Variants in MGST1 observed in about 807,000 individuals in gnomAD.
MGST1 encodes microsomal glutathione S-transferase 1, also known as glutathione S-transferase 12.
In MGST1, 5 loss-of-function variants were observed where a neutral mutation model predicts 8.9. The observed-to-expected ratio is 0.56, with a 90% confidence interval of 0.29 to 1.19. The LOEUF (loss-of-function observed/expected upper bound fraction) is 1.19, where lower values mean the gene tolerates loss of function less well. MGST1 is among the 50% of genes most tolerant of loss of function. MGST1 has a pLI of 0.08. For missense variants in MGST1, 182 were observed against 187.4 expected, an observed-to-expected ratio of 0.97 and a Z score of 0.17; for synonymous variants, 54 against 67.8, an observed-to-expected ratio of 0.80 and a Z score of 1.00.
At chr12:16,484,715 G>GA (rs1466802288) in intron 4 of MGST1, among the ~76,000 whole-genome samples, 2 of 152,146 alleles carry the variant, frequency 1.3e-5, no homozygotes, top group East Asian at 3.9e-4. Flanking sequence ...GAAGTGTCAT[G>GA]AGAACAGCAA....
At chr12:16,530,697 AC>A (rs2137199892) in intron 4 of MGST1, among the ~76,000 whole-genome samples, 1 of 152,240 alleles carries the variant, frequency 6.6e-6, no homozygotes, top group South Asian at 2.1e-4. Flanking sequence ...GCTCATTTCT[AC>A]CATGAAGTAA....
intron 4 of MGST1, among the ~76,000 whole-genome samples, chr12:16,545,409 C>T: frequency 6.6e-6 from 1 of 151,932 alleles, no homozygotes; most frequent in Middle Eastern, 3.2e-3. Context: ...GGGTGGGTGC[C>T]CACAGTTCTG....
chr12:16,387,415 G>A (rs190795604), intron 1 of MGST1, among the ~76,000 whole-genome samples: 25 of 152,156 alleles, frequency 1.6e-4, no homozygotes, highest in Middle Eastern at 6.8e-3. Context: ...ATAGAAAAGC[G>A]AACAAGTAAT....
At chr12:16,423,091 T>A (rs1011879816) in intron 1 of MGST1, among the ~76,000 whole-genome samples, 1 of 152,210 alleles carries the variant, frequency 6.6e-6, no homozygotes, top group East Asian at 1.9e-4. Context: ...GCCTGGAAAC[T>A]CTCTAAACAG....
intron 4 of MGST1, among the ~76,000 whole-genome samples, chr12:16,529,966 T>G (rs1375627274): frequency 6.6e-6 from 1 of 152,104 alleles, no homozygotes; most frequent in Non-Finnish European, 1.5e-5. Context: ...TCCATCTGAT[T>G]ATAAGTTTCT....
In MGST1 at chr12:16,548,421, G is replaced by A. The variant is rs1941868770; in HGVS notation, n.483-41107G>A. 1.3e-5 allele frequency: 2 copies of A among 152,086 alleles called. No homozygotes were observed. The highest frequency in any genetic ancestry group is 6.5e-5 in the Admixed American group (1 of 15,268). The allele number at this position is 152,086 out of a possible 1,614,324, so 9.4% of individuals were successfully genotyped here. ...AACATAAATCCAAATGTAAAAAAGT[G>A]AATGAAAGAATCCAGCAGATATTTA... On this transcript the variant is annotated intron_variant and non_coding_transcript_variant, in intron 4 of 4. Coordinates refer to the MGST1 transcript ENST00000538857. The surrounding 1 kb of genome is among the most constrained non-coding windows in gnomAD (Gnocchi z 4.2).
rs1438953921 is a variant in MGST1 at position 16,537,669 on chromosome 12, A to T, written n.483-51859A>T. 2.0e-5 allele frequency among the ~76,000 whole-genome samples: 3 copies of T among 152,202 alleles called. No homozygotes were observed. Among genetic ancestry groups the T allele is most frequent in the African/African-American group, 7.2e-5 (3 of 41,468 alleles). Reference sequence around the variant, plus strand: ...TCTGTGCACCTGCAGACTCAACACCATGTGAAAGGTGCCAAGGTTTGGAGT... The same window carrying T: ...TCTGTGCACCTGCAGACTCAACACCTTGTGAAAGGTGCCAAGGTTTGGAGT... On this transcript the variant is annotated intron_variant and non_coding_transcript_variant, in intron 4 of 4. Coordinates refer to the MGST1 transcript ENST00000538857. This position sits in a 1 kb window ranked among gnomAD's most constrained non-coding sequence, Gnocchi z 4.6.
At position 16,401,141 on chromosome 12, in the gene MGST1, C is replaced by A; in HGVS notation, n.778+17537C>A. ...TCTTCGTTCCTTAGGAAAATACCCA[C>A]ATTCTTCACTTTCTTCTTCACAGAA... is the stretch of plus-strand genomic sequence containing the variant. On this transcript the variant is annotated intron_variant and non_coding_transcript_variant, in intron 1 of 1. Transcript: ENST00000359720. This position sits in a 1 kb window ranked among gnomAD's most constrained non-coding sequence, Gnocchi z 4.3. 1 of 1,567,512 alleles carries A rather than the reference C, an allele frequency of 6.4e-7. No individual in the cohort carries two copies. Among genetic ancestry groups the A allele is most frequent in the Non-Finnish European group, 8.8e-7 (1 of 1,138,506 alleles).
At chr12:16,507,200 A>T (rs748569427) in intron 4 of MGST1, among the ~76,000 whole-genome samples, 1 of 152,114 alleles carries the variant, frequency 6.6e-6, no homozygotes, top group Non-Finnish European at 1.5e-5. Context: ...AGGGTTCAAA[A>T]CTTGGAGGTT....
chr12:16,418,949 A>G (rs899576312), intron 1 of MGST1, among the ~76,000 whole-genome samples: 1 of 152,056 alleles, frequency 6.6e-6, no homozygotes, highest in Non-Finnish European at 1.5e-5. Flanking sequence ...CAGAGCTTAT[A>G]TGTTTAGTGT....
intron 4 of MGST1, among the ~76,000 whole-genome samples, chr12:16,447,760 C>T (rs146656091): frequency 3.1e-4 from 47 of 152,058 alleles, no homozygotes; most frequent in African/African-American, 1.0e-3. Context: ...TTATGGTGCT[C>T]ACCCATGGGC....
chr12:16,490,283 AT>A (rs1227397204), intron 4 of MGST1, among the ~76,000 whole-genome samples: 1 of 152,056 alleles, frequency 6.6e-6, no homozygotes, highest in East Asian at 1.9e-4. Flanking sequence ...ACCAAACAAA[AT>A]GTAAGATCCA....
chr12:16,438,596 G>C (rs1430565603), exon 2 of MGST1: 1 of 151,848 alleles, frequency 6.6e-6, no homozygotes, highest in Non-Finnish European at 1.5e-5. Flanking sequence ...AAATTCTGTT[G>C]TAATTCTTCC....
intron 4 of MGST1, among the ~76,000 whole-genome samples, chr12:16,489,841 T>G (rs2137154983): frequency 6.6e-6 from 1 of 152,284 alleles, no homozygotes; most frequent in Admixed American, 6.5e-5. Flanking sequence ...TGAAAGAGAC[T>G]TCTACATTCT....
intron 1 of MGST1, among the ~76,000 whole-genome samples, chr12:16,391,626 A>G (rs1377482926): frequency 6.6e-6 from 1 of 152,180 alleles, no homozygotes; most frequent in African/African-American, 2.4e-5. Context: ...TAAGTTACTT[A>G]TAGATGCTGG....
At chr12:16,393,919 C>A (rs1416436460) in intron 1 of MGST1, among the ~76,000 whole-genome samples, 2 of 152,162 alleles carry the variant, frequency 1.3e-5, no homozygotes, top group Non-Finnish European at 2.9e-5. Context: ...ATTTCTTTAT[C>A]CAGTTTATGA....
chr12:16,473,135 G>T (rs1941298805), intron 4 of MGST1, among the ~76,000 whole-genome samples: 1 of 152,142 alleles, frequency 6.6e-6, no homozygotes, highest in African/African-American at 2.4e-5. Context: ...CATGAGACAG[G>T]TTAAGATATC....
At chr12:16,396,611 C>T (rs1299354218) in intron 1 of MGST1, among the ~76,000 whole-genome samples, 4 of 152,068 alleles carry the variant, frequency 2.6e-5, no homozygotes, top group African/African-American at 9.7e-5. Context: ...AATTAATATA[C>T]ATAAATCAGT....
At chr12:16,571,988 A>T (rs1565492748) in intron 4 of MGST1, among the ~76,000 whole-genome samples, 1 of 152,036 alleles carries the variant, frequency 6.6e-6, no homozygotes, top group Non-Finnish European at 1.5e-5. Context: ...TAAGAGAAAA[A>T]TCCCACATTA....
Sources: allele counts gnomAD v4.1 joint callset (sites outside exome capture counted in the v4.1 genomes callset), GRCh38; gene constraint gnomAD v4.1.1; non-coding constraint Gnocchi (gnomAD v3.1); transcripts MANE v1.5; gene names NCBI Gene and HGNC (gene_info 2026-07-23, HGNC 2026-07-21).